The following AKAIN1 variants were observed in gnomAD, a reference collection of about 807,000 sequenced individuals.
The protein encoded by AKAIN1 is A-kinase anchor inhibitor 1.
Under a neutral mutation model 3.7 loss-of-function variants are expected in AKAIN1, and 3 were observed. The observed-to-expected ratio is 0.82, with a 90% CI of 0.37 to 2.12. The LOEUF (loss-of-function observed/expected upper bound fraction) is 2.12. Among genes scored for constraint, AKAIN1 ranks in the 30% most tolerant of loss-of-function variants. The pLI, the probability that AKAIN1 is intolerant of heterozygous loss-of-function variation, is 0.06. For missense variants in AKAIN1, 82 were observed against 82.7 expected (o/e 0.99, Z 0.03); for synonymous variants, 31 against 30.8 (o/e 1.01, Z -0.02).
rs1195038709 is a variant in AKAIN1 at position 5,144,610 on chromosome 18, A to G, written c.*952T>C. On this transcript the variant is annotated 3_prime_UTR_variant, in exon 2 of 2. Transcript: ENST00000434239. ...TTCATAATCTCAAAAAAAAAATTTA[A>G]TGTGTGAATGGGAAAAGTTAGTAAG... Among the ~76,000 whole-genome samples, 1 of 152,228 alleles carries G rather than the reference A, an allele frequency of 6.6e-6. No individual in the cohort carries two copies. The highest frequency in any genetic ancestry group is 6.5e-5 in the Admixed American group (1 of 15,282).
At chr18:5,195,696 A>C (rs1598319313) in intron 1 of AKAIN1, among the ~76,000 whole-genome samples, 1 of 152,356 alleles carries the variant, frequency 6.6e-6, no homozygotes, top group East Asian at 1.9e-4. Flanking sequence ...ATGAGATAGC[A>C]GCATGAAACT....
chr18:5,195,990 T>C lies in AKAIN1; in HGVS notation c.16+1048A>G, dbSNP rs140261317. 4.6e-3 allele frequency among the ~76,000 whole-genome samples: 706 copies of C among 152,166 alleles called. 6 individuals carry two copies. The highest frequency in any genetic ancestry group is 0.016 in the African/African-American group (668 of 41,466). On this transcript the variant is annotated intron_variant, in intron 1 of 1. Transcript: ENST00000434239. The stretch of plus-strand genomic sequence containing the variant: ...ACTTGCTCTTCTCAAGTTTTGCTAA[T>C]TGAATTTTTTGAAGAAAAGACTCAA...
At chr18:5,151,528 A>T (rs567332737) in intron 1 of AKAIN1, among the ~76,000 whole-genome samples, 2 of 152,284 alleles carry the variant, frequency 1.3e-5, no homozygotes, top group African/African-American at 4.8e-5. Flanking sequence ...ACCATTACCA[A>T]ATCAGAAGCA....
Position 5,197,168 on chromosome 18 carries a change from C to T in AKAIN1, c.-115G>A. On this transcript the variant is annotated 5_prime_UTR_variant, in exon 1 of 2. Coordinates refer to ENST00000434239, the MANE Select transcript of AKAIN1 (RefSeq NM_001145194.2). The surrounding 1 kb of genome is among the most constrained non-coding windows in gnomAD (Gnocchi z 6.9). ...GCAGGAGGGCGCGCTGGGCGGGCGGCGGGCGGGGCGGTCAGCACCCCGGAC... is the reference window on the plus strand; with the variant it reads ...GCAGGAGGGCGCGCTGGGCGGGCGGTGGGCGGGGCGGTCAGCACCCCGGAC... The T allele has an allele frequency of 6.6e-7, 1 of 1,512,262 alleles. No homozygotes were observed. Among genetic ancestry groups the T allele is most frequent in the Non-Finnish European group, 8.8e-7 (1 of 1,133,800 alleles). The allele number at this position is 1,512,262 out of a possible 1,614,324, so 93.7% of individuals were successfully genotyped here.
intron 1 of AKAIN1, among the ~76,000 whole-genome samples, chr18:5,160,659 A>G (rs532597036): frequency 7.2e-5 from 11 of 152,156 alleles, no homozygotes; most frequent in East Asian, 3.9e-4. Context: ...GTTCTCCTCT[A>G]TTGTCTTTTG....
intron 1 of AKAIN1, among the ~76,000 whole-genome samples, chr18:5,179,186 T>G (rs1162533242): frequency 1.3e-5 from 2 of 152,154 alleles, no homozygotes; most frequent in African/African-American, 4.8e-5. Flanking sequence ...ATTTCTTATC[T>G]CGCACCCACT....
intron 1 of AKAIN1, among the ~76,000 whole-genome samples, chr18:5,168,879 AG>A (rs113410913): frequency 0.036 from 4,959 of 138,798 alleles, 225 homozygotes; most frequent in African/African-American, 0.12. Flanking sequence ...AAAAAAAAAA[AG>A]CAAACAAACA....
chr18:5,146,648 C>G (rs4128580), intron 1 of AKAIN1, among the ~76,000 whole-genome samples: 21,465 of 152,116 alleles, frequency 0.14, 1,665 homozygotes, highest in Non-Finnish European at 0.16. Flanking sequence ...TTCATCAGAA[C>G]CTGCCCCCCT....
At chr18:5,179,757 A>C (rs568406151) in intron 1 of AKAIN1, among the ~76,000 whole-genome samples, 2 of 152,152 alleles carry the variant, frequency 1.3e-5, no homozygotes, top group Non-Finnish European at 2.9e-5. Context: ...GACACACATC[A>C]AATACATCTG....
intron 1 of AKAIN1, among the ~76,000 whole-genome samples, chr18:5,175,309 A>G (rs1480140435): frequency 1.3e-5 from 2 of 152,150 alleles, no homozygotes; most frequent in Non-Finnish European, 2.9e-5. Flanking sequence ...AGTAGAAGGT[A>G]AGCACAGGAC....
intron 1 of AKAIN1, among the ~76,000 whole-genome samples, chr18:5,168,875 AAAAAG>A (rs1175387059): frequency 6.7e-6 from 1 of 148,550 alleles, no homozygotes; most frequent in African/African-American, 2.6e-5. Flanking sequence ...AAAAAAAAAA[AAAAAG>A]CAAACAAACA....
At chr18:5,182,321 C>A (rs1054392564) in intron 1 of AKAIN1, among the ~76,000 whole-genome samples, 1 of 152,086 alleles carries the variant, frequency 6.6e-6, no homozygotes, top group African/African-American at 2.4e-5. Flanking sequence ...ATATAAGATG[C>A]ACATTATTAG....
chr18:5,158,488 G>A (rs1430449640), intron 1 of AKAIN1, among the ~76,000 whole-genome samples: 1 of 152,190 alleles, frequency 6.6e-6, no homozygotes, highest in Admixed American at 6.5e-5. Context: ...GTTCATCTCT[G>A]CCATCTCCTA....
At position 5,145,639 on chromosome 18, in the gene AKAIN1, C is replaced by T; in HGVS notation, c.133G>A (p.Glu45Lys). ...QQVSQESQRR[E>K]ERISDNRDHI... Reference sequence around the variant, plus strand: ...TCCCGGTTGTCACTGATTCTCTCTTCTCTGCGCTGACTCTCCTGGGAGACT... The same window carrying T: ...TCCCGGTTGTCACTGATTCTCTCTTTTCTGCGCTGACTCTCCTGGGAGACT... Residue 45 changes from glutamate (E) to lysine (K), a missense_variant, in exon 2 of 2, where the codon GAA becomes AAA. Coordinates refer to ENST00000434239, the MANE Select transcript of AKAIN1 (RefSeq NM_001145194.2). The T allele has an allele frequency of 6.4e-7, 1 of 1,551,726 alleles. No homozygotes were observed. Among genetic ancestry groups the T allele is most frequent in the Non-Finnish European group, 8.7e-7 (1 of 1,146,972 alleles).
chr18:5,195,731 A>G (rs2071343675), intron 1 of AKAIN1, among the ~76,000 whole-genome samples: 2 of 152,246 alleles, frequency 1.3e-5, no homozygotes, highest in Admixed American at 6.5e-5. Context: ...TAAGTGCTGT[A>G]TAAATGCAGC....
intron 1 of AKAIN1, 148 bp downstream of exon 1, chr18:5,196,890 G>A: frequency 2.7e-6 from 2 of 735,912 alleles, no homozygotes; most frequent in Non-Finnish European, 4.7e-6. Context: ...GCGACGCGCC[G>A]AGGCACTCCT....
chr18:5,151,912 C>G (rs1352507804), intron 1 of AKAIN1, among the ~76,000 whole-genome samples: 1 of 152,244 alleles, frequency 6.6e-6, no homozygotes, highest in Non-Finnish European at 1.5e-5. Flanking sequence ...TACTACATGA[C>G]AAACACTAGG....
intron 1 of AKAIN1, among the ~76,000 whole-genome samples, chr18:5,173,534 T>C (rs1848321541): frequency 6.6e-6 from 1 of 152,048 alleles, no homozygotes; most frequent in African/African-American, 2.4e-5. Context: ...AGACAACTGG[T>C]GGGGTGTTGT....
intron 1 of AKAIN1, among the ~76,000 whole-genome samples, chr18:5,160,333 A>G (rs1322682695): frequency 6.6e-6 from 1 of 152,218 alleles, no homozygotes; most frequent in Non-Finnish European, 1.5e-5. Flanking sequence ...TTCCCAGATA[A>G]CTAATGAGGT....
Sources: gnomAD v4.1 joint callset for allele counts (sites outside exome capture counted in the v4.1 genomes callset) on GRCh38, gnomAD v4.1.1 for gene constraint, Gnocchi (gnomAD v3.1) non-coding constraint, MANE v1.5 for transcripts, NCBI Gene and HGNC (gene_info 2026-07-23, HGNC 2026-07-21) for gene names.